The following ANTXR1 variants were observed in gnomAD, a reference collection of about 807,000 sequenced individuals.
ANTXR1 encodes the protein ANTXR cell adhesion molecule 1, also known as anthrax toxin receptor 1.
In ANTXR1, 19 loss-of-function variants were observed where a neutral mutation model predicts 78.1. That is an observed-to-expected ratio of 0.24 (90% CI 0.17 to 0.36). The LOEUF (loss-of-function observed/expected upper bound fraction) is 0.36, where lower values mean the gene tolerates loss of function less well. ANTXR1 is among the 10% of genes least tolerant of loss of function. The pLI is 1.00. For missense variants in ANTXR1, 518 were observed against 718.6 expected, an observed-to-expected ratio of 0.72 and a Z score of 3.19; for synonymous variants, 273 against 260.5, an observed-to-expected ratio of 1.05 and a Z score of -0.46.
intron 8 of ANTXR1, among the ~76,000 whole-genome samples, chr2:69,090,100 G>A (rs979039266): frequency 6.6e-6 from 1 of 152,010 alleles, no homozygotes; most frequent in African/African-American, 2.4e-5. Context: ...GTCTCAGGAG[G>A]TCTTCCTGAA....
intron 8 of ANTXR1, among the ~76,000 whole-genome samples, chr2:69,085,559 G>A (rs1328382492): frequency 6.6e-6 from 1 of 152,138 alleles, no homozygotes; most frequent in Non-Finnish European, 1.5e-5. Context: ...AAGACGTGCA[G>A]GAAGTGTGTC....
At chr2:69,098,513 A>G (rs1008556918) in intron 9 of ANTXR1, among the ~76,000 whole-genome samples, 2 of 152,254 alleles carry the variant, frequency 1.3e-5, no homozygotes, top group Admixed American at 6.5e-5. Flanking sequence ...ATGACATGCA[A>G]TCTTTATTGA....
At chr2:69,085,583 T>C (rs182580793) in intron 8 of ANTXR1, among the ~76,000 whole-genome samples, 1 of 152,210 alleles carries the variant, frequency 6.6e-6, no homozygotes, top group Admixed American at 6.5e-5. Flanking sequence ...TATTCATTTA[T>C]TTATCCAATA....
At chr2:69,210,172 C>T (rs1403898024) in intron 17 of ANTXR1, among the ~76,000 whole-genome samples, 1 of 152,212 alleles carries the variant, frequency 6.6e-6, no homozygotes, top group Non-Finnish European at 1.5e-5. Context: ...ACTGTCCCTC[C>T]AGCTCTCTTC....
intron 8 of ANTXR1, among the ~76,000 whole-genome samples, chr2:69,087,360 T>C (rs1671085988): frequency 6.6e-6 from 1 of 152,174 alleles, no homozygotes; most frequent in African/African-American, 2.4e-5. Flanking sequence ...TATCCCACTT[T>C]TATAGAGAGG....
intron 3 of ANTXR1, among the ~76,000 whole-genome samples, chr2:69,061,505 CAAA>C (rs59372854): frequency 3.2e-5 from 4 of 125,208 alleles, no homozygotes; most frequent in Admixed American, 7.9e-5. Context: ...AAACAACTGC[CAAA>C]AAAAAAAAAA....
intron 10 of ANTXR1, among the ~76,000 whole-genome samples, chr2:69,111,923 G>A (rs914138158): frequency 1.3e-5 from 2 of 152,178 alleles, no homozygotes; most frequent in African/African-American, 4.8e-5. Flanking sequence ...ATCGAGGGCA[G>A]GAGAACATAA....
chr2:69,039,331 C>T (rs1290046555), intron 1 of ANTXR1, among the ~76,000 whole-genome samples: 1 of 152,114 alleles, frequency 6.6e-6, no homozygotes, highest in Non-Finnish European at 1.5e-5. Context: ...TAAAGAAGCC[C>T]CTTTCCAAAT....
chr2:69,242,229 G>T (rs1320107678), intron 17 of ANTXR1, among the ~76,000 whole-genome samples: 1 of 152,056 alleles, frequency 6.6e-6, no homozygotes, highest in Non-Finnish European at 1.5e-5. Context: ...AAGACACCAC[G>T]GCGGCAGCTG....
intron 3 of ANTXR1, 88 bp downstream of exon 3, chr2:69,044,901 G>GT (rs748059514): frequency 9.5e-5 from 126 of 1,322,140 alleles, no homozygotes; most frequent in Non-Finnish European, 1.3e-4. Flanking sequence ...GCCTTGACCT[G>GT]TTGATCACTT....
intron 17 of ANTXR1, among the ~76,000 whole-genome samples, chr2:69,236,748 C>A (rs1675773596): frequency 6.6e-6 from 1 of 152,188 alleles, no homozygotes; most frequent in African/African-American, 2.4e-5. Flanking sequence ...TAATACCCAA[C>A]AACAAAGAAA....
chr2:69,034,526 C>A (rs916351900), intron 1 of ANTXR1, among the ~76,000 whole-genome samples: 5 of 152,294 alleles, frequency 3.3e-5, no homozygotes, highest in African/African-American at 9.6e-5. Context: ...CTATAATAGC[C>A]TTCAGGGGCT....
Position 69,102,928 on chromosome 2 carries a change from T to G in ANTXR1, c.790T>G (p.Ser264Ala). Residue 264 changes from serine (S) to alanine (A), a missense_variant, in exon 10 of 18, where the codon TCG becomes GCG. Around this residue, in one of 5 missense-constraint regions of ANTXR1, gnomAD observed 264 missense variants for 391.8 expected, o/e 0.67. Coordinates refer to ENST00000303714, the MANE Select transcript of ANTXR1 (RefSeq NM_032208.3). Reference sequence around the variant, plus strand: ...CCTCTGCAGCTTCAAGATCAATGACTCGGTCACACTCAGTAAGTCCTTGCA... The same window carrying G: ...CCTCTGCAGCTTCAAGATCAATGACGCGGTCACACTCAGTAAGTCCTTGCA... ...RVLCSFKINDSVTLNEKPFSV... is the reference protein window; with the variant it reads ...RVLCSFKINDAVTLNEKPFSV... 6.2e-7 allele frequency: 1 copy of G among 1,614,180 alleles called. No homozygotes were observed.
At chr2:69,161,203 A>G (rs1031976149) in intron 13 of ANTXR1, among the ~76,000 whole-genome samples, 4 of 152,212 alleles carry the variant, frequency 2.6e-5, no homozygotes, top group Non-Finnish European at 5.9e-5. Context: ...CTGGCATACC[A>G]TCTGATGGAG....
rs535132639 is a variant in ANTXR1 at position 69,078,698 on chromosome 2, G to T, written c.642+1210G>T. ...GACTTACATCATAGGCTTGTTTGAG[G>T]ATTACAAGGATTACTGGTGAAAATG... On this transcript the variant is annotated intron_variant, in intron 8 of 17. Transcript: ENST00000303714. Among the ~76,000 whole-genome samples the T allele has an allele frequency of 2.0e-5, 3 of 152,296 alleles. No individual in the cohort carries two copies. The South Asian group carries it at 6.2e-4, about 32-fold the overall frequency.
intron 12 of ANTXR1, among the ~76,000 whole-genome samples, chr2:69,132,436 C>T (rs906335551): frequency 1.3e-5 from 2 of 152,178 alleles, no homozygotes; most frequent in African/African-American, 4.8e-5. Flanking sequence ...ACAAATCCAG[C>T]CTGGTTTTGT....
At chr2:69,047,639 TG>T (rs1055600936) in intron 3 of ANTXR1, among the ~76,000 whole-genome samples, 5 of 151,636 alleles carry the variant, frequency 3.3e-5, no homozygotes, top group Admixed American at 6.6e-5. Context: ...CTACTTGAGT[TG>T]GGGGGGGAAA....
In ANTXR1 at chr2:69,246,780, C is replaced by T. The variant is rs907391433; in HGVS notation, c.*1295C>T. 2 of 152,164 alleles carry T rather than the reference C, an allele frequency of 1.3e-5. No homozygotes were observed. The highest frequency in any genetic ancestry group is 4.8e-5 in the African/African-American group (2 of 41,424). The allele number at this position is 152,164 out of a possible 1,614,324, so 9.4% of individuals were successfully genotyped here. A position where few individuals can be genotyped will look rare whatever the true frequency, so the allele number is the denominator to read the frequency against. ...ATAAGCCCTATAATCACTTGCTAAA[C>T]ACTGGGCTTCATCACCCAGGGATAA... On this transcript the variant is annotated 3_prime_UTR_variant, in exon 18 of 18. Coordinates refer to ENST00000303714, the MANE Select transcript of ANTXR1 (RefSeq NM_032208.3).
chr2:69,193,464 T>G, intron 17 of ANTXR1, 49 bp downstream of exon 17: 3 of 1,073,650 alleles, frequency 2.8e-6, no homozygotes, highest in Non-Finnish European at 4.3e-6. Flanking sequence ...CTCTCTCACA[T>G]ACACACACAC....
Sources: gnomAD v4.1 joint callset for allele counts (sites outside exome capture counted in the v4.1 genomes callset) on GRCh38, gnomAD v4.1.1 for gene constraint, gnomAD v4.1.1 regional missense constraint, MANE v1.5 for transcripts, NCBI Gene and HGNC (gene_info 2026-07-23, HGNC 2026-07-21) for gene names.